Variants in ZNF449 observed in about 807,000 individuals in gnomAD.
The protein encoded by ZNF449 is zinc finger and SCAN domain-containing protein 19.
Under a neutral mutation model 32.6 loss-of-function variants are expected in ZNF449, and 4 were observed. That is an observed-to-expected ratio of 0.12 (90% CI 0.06 to 0.28). The LOEUF is 0.28. Ranked by LOEUF, ZNF449 falls within the 10% of genes least tolerant of loss-of-function variation. ZNF449 has a pLI of 1.00. For synonymous variants in ZNF449, 123 were observed against 132.2 expected (o/e 0.93, Z 0.48); for missense variants, 275 against 383.2 (o/e 0.72, Z 2.36).
chrX:135,348,108 G>T, intron 2 of ZNF449: 1 of 129,500 alleles, frequency 7.7e-6, no homozygotes, highest in Admixed American at 8.6e-5. Context: ...CAGAAATTCA[G>T]ACTGATAAAG....
Position 135,362,417 on chromosome X carries a change from A to G in ZNF449, c.*1341A>G, listed in dbSNP as rs1395177459. The G allele has an allele frequency of 8.9e-6, 1 of 112,159 alleles. No homozygotes were observed. Among genetic ancestry groups the G allele is most frequent in the African/African-American group, 3.2e-5 (1 of 30,937 alleles). 9.2% of individuals were successfully genotyped at this position (112,159 alleles called of 1,213,427 possible). ...TTCTCAACCTCTTTGAATTTTACTT[A>G]TAATTACATACACACACACACTGCT... On this transcript the variant is annotated 3_prime_UTR_variant, in exon 5 of 5. Transcript: ENST00000339249.
chrX:135,358,434 T>C (rs868951666), intron 3 of ZNF449, among the ~76,000 whole-genome samples: 11 of 111,952 alleles, frequency 9.8e-5, no homozygotes, highest in Admixed American at 1.9e-4. Context: ...CTGGTTTTCT[T>C]CATTTGTTCC....
At position 135,347,223 on chromosome X, in the gene ZNF449, G is replaced by A. The variant is rs2084853893; in HGVS notation, c.105G>A (p.Gln35=). Reference sequence around the variant, plus strand: ...AAGTTTTCCGTCAGCGCTTCAGGCAGTTCCAGTACAGAGAAGCAGCTGGGC... The same window carrying A: ...AAGTTTTCCGTCAGCGCTTCAGGCAATTCCAGTACAGAGAAGCAGCTGGGC... ...DCEVFRQRFR[Q]FQYREAAGPH... is the part of the protein sequence containing the mutation. The change falls in exon 2 of 5, where the codon CAG becomes CAA. Residue 35 remains glutamine (Q), a synonymous_variant. Transcript: ENST00000339249. The A allele has an allele frequency of 1.6e-6, 2 of 1,212,441 alleles. No individual in the cohort carries two copies. Among genetic ancestry groups the A allele is most frequent in the Non-Finnish European group, 1.1e-6 (1 of 895,691 alleles).
chrX:135,353,986 G>A (rs782701750), intron 3 of ZNF449, among the ~76,000 whole-genome samples: 4 of 111,988 alleles, frequency 3.6e-5, no homozygotes, highest in African/African-American at 1.3e-4. Context: ...GACAGAAGTA[G>A]GCATTAAGGC....
In ZNF449 at chrX:135,349,255, C is replaced by T. The variant is rs2084870058; in HGVS notation, c.500C>T (p.Ala167Val). The T allele has an allele frequency of 7.4e-6, 9 of 1,211,891 alleles. No individual in the cohort carries two copies. Among genetic ancestry groups the T allele is most frequent in the Non-Finnish European group, 8.9e-6 (8 of 895,562 alleles). ...GTAGCAGAGGCATGGATCCCACAGG[C>T]AGGGCCACCGGAGCTGAACTATGGT... ...APVAEAWIPQ[A>V]GPPELNYGAT... Residue 167 changes from alanine (A) to valine (V), a missense_variant, in exon 3 of 5, where the codon GCA becomes GTA. Ala to Val is a moderately conservative substitution (Grantham distance 64). Transcript: ENST00000339249.
chrX:135,355,525 T>G (rs1556451672), intron 3 of ZNF449, among the ~76,000 whole-genome samples: 1 of 111,108 alleles, frequency 9.0e-6, no homozygotes, highest in Non-Finnish European at 1.9e-5. Flanking sequence ...AATCTATTGT[T>G]TTTTTCCCTG....
chrX:135,345,695 A>G (rs1427506747), intron 1 of ZNF449, among the ~76,000 whole-genome samples: 1 of 112,014 alleles, frequency 8.9e-6, no homozygotes, highest in African/African-American at 3.2e-5. Context: ...CCGATCTGCT[A>G]AAGTCGGGCT....
At chrX:135,354,297 C>T (rs1236155490) in intron 3 of ZNF449, among the ~76,000 whole-genome samples, 2 of 112,023 alleles carry the variant, frequency 1.8e-5, no homozygotes, top group Non-Finnish European at 3.8e-5. Flanking sequence ...GGGCAAATAT[C>T]TGTGGAAACC....
intron 3 of ZNF449, among the ~76,000 whole-genome samples, chrX:135,354,545 A>G (rs2084906243): frequency 8.9e-6 from 1 of 112,110 alleles, no homozygotes; most frequent in Non-Finnish European, 1.9e-5. Flanking sequence ...TGTGCTACAC[A>G]TATAAGAAGT....
chrX:135,348,746 T>C, intron 2 of ZNF449: 2 of 991,468 alleles, frequency 2.0e-6, no homozygotes, highest in Non-Finnish European at 2.6e-6. Context: ...TATCTTCATG[T>C]GGTCTAGACA....
intron 3 of ZNF449, among the ~76,000 whole-genome samples, chrX:135,359,688 G>A (rs1053896172): frequency 8.9e-6 from 1 of 111,810 alleles, no homozygotes; most frequent in Middle Eastern, 4.6e-3. Context: ...ATAGATTAGA[G>A]AATAGCTTTG....
rs782108477 is a variant in ZNF449, at chrX:135,349,360, T to A, written c.559+46T>A. ...CTTTCTTTTGTTTCTGTTTTGAGAG[T>A]TCAGGAACTCTCAAGGGTTGGGGTT... is the stretch of plus-strand genomic sequence containing the variant. On this transcript the variant is annotated intron_variant, in intron 3 of 4. Transcript: ENST00000339249. The A allele has an allele frequency of 1.8e-5, 21 of 1,148,910 alleles. No homozygotes were observed. The South Asian group carries it at 3.9e-4, about 22-fold the overall frequency. 94.7% of individuals were successfully genotyped at this position (1,148,910 alleles called of 1,213,427 possible).
chrX:135,356,468 T>C (rs1273110703), intron 3 of ZNF449, among the ~76,000 whole-genome samples: 1 of 111,935 alleles, frequency 8.9e-6, no homozygotes, highest in Non-Finnish European at 1.9e-5. Context: ...CATTTGTATA[T>C]TTTCATAGAC....
chrX:135,360,935 TAGAC>T lies in ZNF449; in HGVS notation c.1420_1423del (p.Gln474AspfsTer8). On this transcript the variant is annotated frameshift_variant, in exon 5 of 5. Transcript: ENST00000339249. LOFTEE classifies it high-confidence loss of function. ...AATGTAATTATTGTGGGAAAAGTTT[TAGAC>T]AGAGACCAAGCCTCGTTATTCATTT... 8.3e-7 allele frequency: 1 copy of T among 1,211,625 alleles called. No homozygotes were observed. Among genetic ancestry groups the T allele is most frequent in the Non-Finnish European group, 1.1e-6 (1 of 895,391 alleles).
intron 3 of ZNF449, among the ~76,000 whole-genome samples, chrX:135,355,183 T>C (rs1336865412): frequency 9.1e-6 from 1 of 109,686 alleles, no homozygotes; most frequent in Non-Finnish European, 1.9e-5. Flanking sequence ...CCACTAACTT[T>C]TAAAAATTTT....
intron 3 of ZNF449, among the ~76,000 whole-genome samples, chrX:135,358,713 A>G (rs1311586461): frequency 8.9e-6 from 1 of 111,920 alleles, no homozygotes; most frequent in Non-Finnish European, 1.9e-5. Context: ...ATTATAAGTC[A>G]GTATTTTGTA....
At chrX:135,348,879 A>C in intron 2 of ZNF449, 3 of 1,002,043 alleles carry the variant, frequency 3.0e-6, no homozygotes, top group Non-Finnish European at 4.0e-6. Flanking sequence ...ACTTGGTATG[A>C]AAAAAGTAGG....
rs1315738673 is a variant in ZNF449, at chrX:135,349,000, T to G, written c.355-110T>G. On this transcript the variant is annotated intron_variant, in intron 2 of 4. Coordinates refer to ENST00000339249, the MANE Select transcript of ZNF449 (RefSeq NM_152695.6). ...AGATTGGCCTTACTTTTTAAAAAAT[T>G]TATTCATATGGCCACTAGAAAATTT... 3.0e-6 allele frequency: 3 copies of G among 1,014,976 alleles called. No homozygotes were observed. The African/African-American group carries it at 5.7e-5, about 19-fold the overall frequency. 83.6% of individuals were successfully genotyped at this position (1,014,976 alleles called of 1,213,427 possible).
At position 135,362,868 on chromosome X, in the gene ZNF449, A is replaced by G. The variant is rs1225392485; in HGVS notation, c.*1792A>G. 8 of 111,965 alleles carry G rather than the reference A, an allele frequency of 7.1e-5. No individual in the cohort carries two copies. Among genetic ancestry groups the G allele is most frequent in the African/African-American group, 1.6e-4 (5 of 30,822 alleles). The allele number at this position is 111,965 out of a possible 1,213,427, so 9.2% of individuals were successfully genotyped here. A position where few individuals can be genotyped will look rare whatever the true frequency, so the allele number is the denominator to read the frequency against. Reference sequence around the variant, plus strand: ...CAAGAGAGTTTGTAATTAAGTGCCAATTATACCAATTGCTAGACCCAGGAT... The same window carrying G: ...CAAGAGAGTTTGTAATTAAGTGCCAGTTATACCAATTGCTAGACCCAGGAT... On this transcript the variant is annotated 3_prime_UTR_variant, in exon 5 of 5. Coordinates refer to ENST00000339249, the MANE Select transcript of ZNF449 (RefSeq NM_152695.6).
Sources: gnomAD v4.1 joint callset for allele counts (sites outside exome capture counted in the v4.1 genomes callset) on GRCh38, gnomAD v4.1.1 for gene constraint, MANE v1.5 for transcripts, NCBI Gene and HGNC (gene_info 2026-07-23, HGNC 2026-07-21) for gene names.